The following ATAD2 variants were observed in gnomAD, a reference collection of about 807,000 sequenced individuals.
ATAD2 encodes the protein ATPase family AAA domain-containing protein 2.
Under a neutral mutation model 168.9 loss-of-function variants are expected in ATAD2, and 62 were observed. The observed-to-expected ratio is 0.37, with a 90% CI of 0.30 to 0.45. The LOEUF (loss-of-function observed/expected upper bound fraction) is 0.45. Ranked by LOEUF, ATAD2 falls within the 20% of genes least tolerant of loss-of-function variation. The pLI is 1.00. For synonymous variants in ATAD2, 613 were observed against 571.6 expected, an observed-to-expected ratio of 1.07 and a Z score of -1.03; for missense variants, 1,419 against 1,667.8, an observed-to-expected ratio of 0.85 and a Z score of 2.60.
intron 26 of ATAD2, 40 bp downstream of exon 26, chr8:123,325,853 A>C (rs1259080022): frequency 6.2e-7 from 1 of 1,604,960 alleles, no homozygotes; most frequent in African/African-American, 1.3e-5. Flanking sequence ...GGGGATTAGT[A>C]ATCTGCAGAG....
intron 26 of ATAD2, among the ~76,000 whole-genome samples, chr8:123,323,975 A>C (rs551842548): frequency 3.5e-4 from 54 of 152,340 alleles, no homozygotes; most frequent in African/African-American, 1.3e-3. Flanking sequence ...AAAATTTATA[A>C]AAATTAAGTA....
upstream of ATAD2, chr8:123,400,819 A>T (rs1812986187): frequency 8.8e-7 from 1 of 1,133,806 alleles, no homozygotes; most frequent in East Asian, 2.3e-5. The surrounding 1 kb of genome is among the most constrained non-coding windows in gnomAD (Gnocchi z 4.5). Flanking sequence ...GGCCATCACG[A>T]TGGCTCTGGT....
chr8:123,414,367 C>T (rs752769072), intron 1 of ATAD2, among the ~76,000 whole-genome samples: 2 of 152,056 alleles, frequency 1.3e-5, no homozygotes, highest in Non-Finnish European at 1.5e-5. Flanking sequence ...TAGAACCTAC[C>T]CAGCCTAGCT....
intron 1 of ATAD2, among the ~76,000 whole-genome samples, chr8:123,384,069 G>A (rs1413169592): frequency 2.1e-5 from 3 of 145,416 alleles, no homozygotes; most frequent in Non-Finnish European, 4.5e-5. Context: ...GACAGAGCGA[G>A]ACTCCGTCTC....
chr8:123,414,617 C>T (rs1813212442), intron 1 of ATAD2, among the ~76,000 whole-genome samples: 1 of 152,178 alleles, frequency 6.6e-6, no homozygotes, highest in Non-Finnish European at 1.5e-5. Flanking sequence ...GAGGGAGACC[C>T]TGTCCCCCAC....
At chr8:123,330,518 G>A (rs1462524732) in intron 24 of ATAD2, among the ~76,000 whole-genome samples, 3 of 151,878 alleles carry the variant, frequency 2.0e-5, no homozygotes, top group South Asian at 2.1e-4. Flanking sequence ...TGCCGCCACC[G>A]TGCCCGGCTA....
At chr8:123,349,870 C>G (rs1828391574) in intron 13 of ATAD2, among the ~76,000 whole-genome samples, 3 of 147,892 alleles carry the variant, frequency 2.0e-5, no homozygotes, top group Admixed American at 2.0e-4. Context: ...AACCCCATCT[C>G]TATTAAAAAA....
At chr8:123,378,564 T>C (rs984618430) in intron 2 of ATAD2, among the ~76,000 whole-genome samples, 4 of 151,732 alleles carry the variant, frequency 2.6e-5, no homozygotes, top group Admixed American at 6.6e-5. Flanking sequence ...TAGCTGGGCA[T>C]GGTGGTGCGT....
intron 1 of ATAD2, among the ~76,000 whole-genome samples, chr8:123,414,545 G>T (rs2130062165): frequency 6.6e-6 from 1 of 152,278 alleles, no homozygotes; most frequent in South Asian, 2.1e-4. Flanking sequence ...GATCACTTGA[G>T]CCCAGGAGTT....
At chr8:123,395,725 A>T (rs1163933991) in intron 1 of ATAD2, among the ~76,000 whole-genome samples, 4 of 152,310 alleles carry the variant, frequency 2.6e-5, no homozygotes, top group African/African-American at 9.6e-5. Context: ...AATGGAGGTC[A>T]GAGAACCTGA....
rs1394489062 is a variant in ATAD2 at position 123,361,168 on chromosome 8, T to C, written c.1157+371A>G. Among the ~76,000 whole-genome samples the C allele has an allele frequency of 2.6e-5, 4 of 151,446 alleles. No individual in the cohort carries two copies. The East Asian group carries it at 5.9e-4, about 22-fold the overall frequency. On this transcript the variant is annotated intron_variant, in intron 9 of 27. Coordinates refer to ENST00000287394, the MANE Select transcript of ATAD2 (RefSeq NM_014109.4). Reference sequence around the variant, plus strand: ...CTCATCTCTATTAAAACTACAAAAATGAGCCAGGTGTGGTGATGCACACCT... The same window carrying C: ...CTCATCTCTATTAAAACTACAAAAACGAGCCAGGTGTGGTGATGCACACCT...
rs145240413 is a variant in ATAD2, at chr8:123,403,391, C to T, written c.-2281-2216G>A. ...GTGGGATTACAGGCGTGAGCCACTG[C>T]GCCCAGCCAGGAGGGTTTTTTTTTT... On this transcript the variant is annotated intron_variant, in intron 1 of 28. Coordinates refer to the ATAD2 transcript ENST00000521903. Among the ~76,000 whole-genome samples the T allele has an allele frequency of 6.1e-3, 928 of 151,078 alleles. 11 individuals are homozygous for T. Among genetic ancestry groups the T allele is most frequent in the African/African-American group, 0.021 (883 of 41,192 alleles).
In ATAD2 at chr8:123,396,363, C is replaced by G. The variant is rs1812829465; in HGVS notation, c.-6G>C. The G allele has an allele frequency of 1.9e-6, 3 of 1,581,518 alleles. No homozygotes were observed. The highest frequency in any genetic ancestry group is 2.6e-6 in the Non-Finnish European group (3 of 1,165,132). On this transcript the variant is annotated 5_prime_UTR_variant, in exon 1 of 28. Transcript: ENST00000287394. ...CTGCTGCGGAGAACCACCATCTTCT[C>G]TCCCTACTGGCCTCGGCGTGCGCGA...
At chr8:123,367,361 G>A (rs940020700) in intron 8 of ATAD2, among the ~76,000 whole-genome samples, 8 of 152,198 alleles carry the variant, frequency 5.3e-5, no homozygotes, top group African/African-American at 1.9e-4. Flanking sequence ...AGGTTGCAGT[G>A]AGCCGAGATC....
chr8:123,401,181 G>A, upstream of ATAD2: 1 of 975,448 alleles, frequency 1.0e-6, no homozygotes, highest in Non-Finnish European at 1.7e-6. Context: ...AGATCCTGCA[G>A]CAAAGCAAGA....
rs1313397847 is a variant in ATAD2, at chr8:123,339,354, A to G, written c.2811T>C (p.Ile937=). The change falls in exon 20 of 28, where the codon ATT becomes ATC. Residue 937 remains isoleucine (I), a synonymous_variant. Coordinates refer to ENST00000287394, the MANE Select transcript of ATAD2 (RefSeq NM_014109.4). The part of the protein sequence containing the change: ...EERTKFFEDL[I]LKQAAKPPIS... ...TAGGAGGCTTAGCAGCTTGTTTTAG[A>G]ATTAAATCTTCAAAAAATTTTGTCC... 1.2e-6 allele frequency: 2 copies of G among 1,600,550 alleles called. No homozygotes were observed. The highest frequency in any genetic ancestry group is 4.5e-5 in the East Asian group (2 of 44,762).
rs755251005 is a variant in ATAD2, at chr8:123,371,743, G to A, written c.463C>T (p.Arg155Cys). The A allele has an allele frequency of 1.2e-6, 2 of 1,613,432 alleles. No individual in the cohort carries two copies. The highest frequency in any genetic ancestry group is 1.7e-6 in the Non-Finnish European group (2 of 1,179,742). Reference protein sequence around the residue: ...LHEDNGDVEVRRSCRIRSRYS... With the variant: ...LHEDNGDVEVCRSCRIRSRYS... ...CGACTTCTAATCCTACAACTTCGACGCACTTCAACATCACCATTATCTTCA... is the reference window on the plus strand; with the variant it reads ...CGACTTCTAATCCTACAACTTCGACACACTTCAACATCACCATTATCTTCA... The change falls in exon 4 of 28, where the codon CGT becomes TGT. Residue 155 changes from arginine (R) to cysteine (C), a missense_variant. Physicochemically the swap from Arg to Cys is radical, Grantham distance 180 (BLOSUM62 -3). This residue lies in a region of ATAD2 where 419 missense variants were observed against 423.5 expected (regional missense o/e 0.99). Coordinates refer to ENST00000287394, the MANE Select transcript of ATAD2 (RefSeq NM_014109.4).
At position 123,378,198 on chromosome 8, in the gene ATAD2, T is replaced by C. The variant is rs1829376868; in HGVS notation, c.320+2331A>G. 2.0e-5 allele frequency among the ~76,000 whole-genome samples: 3 copies of C among 152,332 alleles called. 1 individual carries two copies. The South Asian group carries it at 6.2e-4, about 32-fold the overall frequency. On this transcript the variant is annotated intron_variant, in intron 2 of 27. Coordinates refer to ENST00000287394, the MANE Select transcript of ATAD2 (RefSeq NM_014109.4). ...GCACCTCACAGTTTACTGTCAGTGA[T>C]TTTCTTTTTTAGTGTCCCATAAACA...
chr8:123,393,174 A>G (rs1373039407), intron 1 of ATAD2, among the ~76,000 whole-genome samples: 18 of 141,002 alleles, frequency 1.3e-4, no homozygotes, highest in African/African-American at 2.9e-4. Context: ...GACAGAGCGA[A>G]ACTCCATCTC....
Sources: gnomAD v4.1 joint callset for allele counts (sites outside exome capture counted in the v4.1 genomes callset) on GRCh38, gnomAD v4.1.1 for gene constraint, gnomAD v4.1.1 regional missense constraint, Gnocchi (gnomAD v3.1) non-coding constraint, MANE v1.5 for transcripts, NCBI Gene and HGNC (gene_info 2026-07-23, HGNC 2026-07-21) for gene names.